The following ERI3 variants were observed in gnomAD, a reference collection of about 807,000 sequenced individuals.
ERI3 encodes ERI1 exoribonuclease 3.
In ERI3, 18 loss-of-function variants were observed where a neutral mutation model predicts 44.4. That is an observed-to-expected ratio of 0.41 (90% CI 0.28 to 0.60). ERI3 has a LOEUF of 0.60. Ranked by LOEUF, ERI3 falls within the 20% of genes least tolerant of loss-of-function variation. The pLI, the probability that ERI3 is intolerant of heterozygous loss-of-function variation, is 0.36. For synonymous variants in ERI3, 183 were observed against 164.8 expected (o/e 1.11, Z -0.84); for missense variants, 294 against 435.5 (o/e 0.68, Z 2.89).
chr1:44,254,040 C>T (rs544527125), intron 7 of ERI3, among the ~76,000 whole-genome samples: 10 of 152,358 alleles, frequency 6.6e-5, no homozygotes, highest in Admixed American at 5.9e-4. Context: ...CAATACCTAA[C>T]TCACTCCTGG....
rs75587916 is a variant in ERI3, at chr1:44,304,859, G to A, written c.758+3451C>T. Among the ~76,000 whole-genome samples, 24 of 152,208 alleles carry A rather than the reference G, an allele frequency of 1.6e-4. 1 individual carries two copies. In the East Asian group the frequency reaches 4.4e-3, roughly 28 times the overall value. On this transcript the variant is annotated intron_variant, in intron 6 of 8. Transcript: ENST00000372257. Reference sequence around the variant, plus strand: ...GCCAGAATGTAGTATGCACACCCCAGCAAGAAGGCAGGGGAAAAAAAGGAA... The same window carrying A: ...GCCAGAATGTAGTATGCACACCCCAACAAGAAGGCAGGGGAAAAAAAGGAA...
intron 3 of ERI3, among the ~76,000 whole-genome samples, chr1:44,329,382 A>G (rs1428603878): frequency 2.6e-5 from 4 of 152,148 alleles, no homozygotes; most frequent in African/African-American, 7.2e-5. Context: ...TCTGCCCCCG[A>G]CATTGTTTCT....
chr1:44,310,575 G>A (rs1187941335), intron 5 of ERI3, among the ~76,000 whole-genome samples: 1 of 152,090 alleles, frequency 6.6e-6, no homozygotes, highest in Non-Finnish European at 1.5e-5. Flanking sequence ...GACCGTGAAC[G>A]GCCTCGTGTG....
intron 2 of ERI3, among the ~76,000 whole-genome samples, chr1:44,352,036 T>C (rs1646901321): frequency 6.6e-6 from 1 of 152,138 alleles, no homozygotes; most frequent in South Asian, 2.1e-4. Context: ...TCCCATGAAT[T>C]TGTAAGCTCT....
chr1:44,352,104 G>A (rs1318486697), intron 2 of ERI3, among the ~76,000 whole-genome samples: 1 of 152,198 alleles, frequency 6.6e-6, no homozygotes, highest in African/African-American at 2.4e-5. Flanking sequence ...AACTAGCACA[G>A]TGCCTGGCCC....
intron 3 of ERI3, among the ~76,000 whole-genome samples, chr1:44,330,973 G>A (rs1646415551): frequency 6.6e-6 from 1 of 152,148 alleles, no homozygotes; most frequent in Non-Finnish European, 1.5e-5. Flanking sequence ...GCAGGATGGA[G>A]GTAGGGAGAA....
chr1:44,239,197 C>G (rs2154317176), intron 8 of ERI3, among the ~76,000 whole-genome samples: 2 of 152,230 alleles, frequency 1.3e-5, no homozygotes, highest in Admixed American at 1.3e-4. Flanking sequence ...ACTCAGGGCC[C>G]TGTGGCAGGG....
chr1:44,302,675 G>C (rs942983868), intron 6 of ERI3, among the ~76,000 whole-genome samples: 1 of 152,152 alleles, frequency 6.6e-6, no homozygotes, highest in African/African-American at 2.4e-5. Context: ...CACCTCTACC[G>C]ATATCAAATG....
Position 44,294,142 on chromosome 1 carries a change from C to T in ERI3, c.759-9235G>A, listed in dbSNP as rs375723329. The stretch of plus-strand genomic sequence containing the variant: ...TTTCCCTATAGTACAGATGAAAGGC[C>T]GTCACCTGCGTCTGGGTCTGGCGGC... On this transcript the variant is annotated intron_variant, in intron 6 of 8. Transcript: ENST00000372257. Among the ~76,000 whole-genome samples the T allele has an allele frequency of 5.3e-5, 8 of 152,324 alleles. No homozygotes were observed. The East Asian group carries it at 5.8e-4, about 11-fold the overall frequency.
intron 6 of ERI3, among the ~76,000 whole-genome samples, chr1:44,285,879 G>A (rs1304833689): frequency 6.6e-6 from 1 of 152,198 alleles, no homozygotes; most frequent in East Asian, 1.9e-4. Flanking sequence ...CTTTGCTACA[G>A]GCAATGGAGA....
intron 7 of ERI3, among the ~76,000 whole-genome samples, chr1:44,259,248 G>A (rs1644838378): frequency 6.6e-6 from 1 of 152,058 alleles, no homozygotes; most frequent in Admixed American, 6.6e-5. Flanking sequence ...GCTTCCCTGA[G>A]AACAGGTAAG....
At chr1:44,342,493 C>T (rs1646674565) in intron 2 of ERI3, among the ~76,000 whole-genome samples, 1 of 151,872 alleles carries the variant, frequency 6.6e-6, no homozygotes, top group South Asian at 2.1e-4. Flanking sequence ...AGAATGTGAA[C>T]TCATGGTTTC....
At chr1:44,342,830 TATATATATATATATATATATATATA>T (rs1419809248) in intron 2 of ERI3, among the ~76,000 whole-genome samples, 6 of 27,870 alleles carry the variant, frequency 2.2e-4, no homozygotes, top group Non-Finnish European at 3.1e-4. Context: ...TATATATATA[TATATATATATATATATATATATATA>T]TATTTTTTTT....
At chr1:44,254,230 CT>C (rs1388973275) in intron 7 of ERI3, among the ~76,000 whole-genome samples, 2 of 152,146 alleles carry the variant, frequency 1.3e-5, no homozygotes, top group African/African-American at 4.8e-5. Context: ...AGCTTCTCCT[CT>C]ACCTATTTCA....
rs753164815 is a variant in ERI3 at position 44,352,877 on chromosome 1, C to T, written c.184G>A (p.Gly62Ser). ...CTCCTTACTTCGAAGATGCCAAGAC[C>T]GGCAGCTGGGGATGCTGAAGGTTCT... Reference protein sequence around the residue: ...LTEPSASPAAGLGIFEVRRVL... With the variant: ...LTEPSASPAASLGIFEVRRVL... The change falls in exon 2 of 9, where the codon GGT becomes AGT. Residue 62 changes from glycine (G) to serine (S), a missense_variant. Transcript: ENST00000372257. 1.6e-5 allele frequency: 26 copies of T among 1,613,944 alleles called. No homozygotes were observed. Among genetic ancestry groups the T allele is most frequent in the South Asian group, 5.5e-5 (5 of 91,074 alleles).
At chr1:44,334,130 G>GC (rs1396581251) in intron 3 of ERI3, among the ~76,000 whole-genome samples, 1 of 152,216 alleles carries the variant, frequency 6.6e-6, no homozygotes, top group Non-Finnish European at 1.5e-5. Flanking sequence ...GTGGGTAGCC[G>GC]CCAGGATGGC....
intron 8 of ERI3, among the ~76,000 whole-genome samples, chr1:44,236,926 C>T (rs1557772967): frequency 1.3e-5 from 2 of 152,160 alleles, no homozygotes. Flanking sequence ...TGATCTTGTG[C>T]TTGTGGCCTT....
chr1:44,335,484 G>T (rs1468707074), intron 3 of ERI3, among the ~76,000 whole-genome samples: 2 of 152,174 alleles, frequency 1.3e-5, no homozygotes, highest in Admixed American at 1.3e-4. Flanking sequence ...ATCAGGCCGG[G>T]GGCAGTGGCT....
chr1:44,310,979 A>G (rs866487498), intron 5 of ERI3, among the ~76,000 whole-genome samples: 8,883 of 121,978 alleles, frequency 0.073, 453 homozygotes, highest in South Asian at 0.11. Context: ...ACACACACAC[A>G]CACACACACA....
Sources: gnomAD v4.1 joint callset for allele counts (sites outside exome capture counted in the v4.1 genomes callset) on GRCh38, gnomAD v4.1.1 for gene constraint, MANE v1.5 for transcripts, NCBI Gene and HGNC (gene_info 2026-07-23, HGNC 2026-07-21) for gene names.